The following NSMCE2 variants were observed in gnomAD, a reference collection of about 807,000 sequenced individuals.
NSMCE2 encodes the protein E3 SUMO-protein ligase NSE2.
NSMCE2 carries 24 observed loss-of-function variants against 23.8 expected under a neutral mutation model. That is an observed-to-expected ratio of 1.01 (90% CI 0.73 to 1.42). The LOEUF is 1.42. NSMCE2 is among the 40% of genes most tolerant of loss of function. The pLI is 0.00. For synonymous variants in NSMCE2, 92 were observed against 94.1 expected (o/e 0.98, Z 0.13); for missense variants, 284 against 296.5 (o/e 0.96, Z 0.31).
At chr8:125,148,922 T>G (rs1486576659) in intron 3 of NSMCE2, among the ~76,000 whole-genome samples, 1 of 152,220 alleles carries the variant, frequency 6.6e-6, no homozygotes, top group African/African-American at 2.4e-5. Flanking sequence ...GTAAGTTGTT[T>G]AAAATTCACT....
intron 5 of NSMCE2, among the ~76,000 whole-genome samples, chr8:125,257,549 T>C (rs1408634831): frequency 6.8e-4 from 69 of 101,728 alleles, no homozygotes; most frequent in African/African-American, 2.2e-3. Context: ...TTTTTTTTTT[T>C]CTGAGACGGA....
At position 125,099,153 on chromosome 8, in the gene NSMCE2, G is replaced by A. The variant is rs74833493; in HGVS notation, c.-110-2898G>A. On this transcript the variant is annotated intron_variant, in intron 1 of 7. Transcript: ENST00000287437. ...AGTCTGTAAGTTTAAGGAACTTACA[G>A]TGTAATTGGGGACTAGACACTATAA... Among the ~76,000 whole-genome samples the A allele has an allele frequency of 4.2e-3, 637 of 152,302 alleles. 3 individuals are homozygous for A. The highest frequency in any genetic ancestry group is 6.8e-3 in the Non-Finnish European group (464 of 68,042).
chr8:125,111,355 T>G (rs947798118), intron 3 of NSMCE2, among the ~76,000 whole-genome samples: 1 of 152,214 alleles, frequency 6.6e-6, no homozygotes, highest in Non-Finnish European at 1.5e-5. Context: ...GATTCTAGTT[T>G]TGTTCCTGAA....
intron 5 of NSMCE2, among the ~76,000 whole-genome samples, chr8:125,341,597 A>G (rs951600081): frequency 6.6e-6 from 1 of 151,870 alleles, no homozygotes; most frequent in African/African-American, 2.4e-5. Context: ...TCCTCTAATG[A>G]GGGCAAAACA....
chr8:125,358,973 A>G (rs548389163), intron 7 of NSMCE2, among the ~76,000 whole-genome samples: 1 of 152,206 alleles, frequency 6.6e-6, no homozygotes, highest in East Asian at 1.9e-4. Context: ...AACAGTTGAA[A>G]TGTCAGATTT....
At chr8:125,312,576 G>C (rs745414727) in intron 5 of NSMCE2, among the ~76,000 whole-genome samples, 1 of 152,222 alleles carries the variant, frequency 6.6e-6, no homozygotes, top group Non-Finnish European at 1.5e-5. Flanking sequence ...AGTGAGCCAA[G>C]ATCACGCCAC....
chr8:125,318,870 G>C (rs1829313658), intron 5 of NSMCE2, among the ~76,000 whole-genome samples: 1 of 152,184 alleles, frequency 6.6e-6, no homozygotes, highest in Non-Finnish European at 1.5e-5. Context: ...TCCCTGAATG[G>C]AGGAAATATA....
intron 5 of NSMCE2, among the ~76,000 whole-genome samples, chr8:125,339,509 C>G (rs1830165985): frequency 1.3e-5 from 2 of 152,104 alleles, no homozygotes; most frequent in South Asian, 4.1e-4. Context: ...TAATCATAAT[C>G]CTGGGAAAAT....
At chr8:125,153,382 C>T (rs1821146501) in intron 4 of NSMCE2, among the ~76,000 whole-genome samples, 1 of 152,102 alleles carries the variant, frequency 6.6e-6, no homozygotes, top group African/African-American at 2.4e-5. Context: ...GCTTTCTATG[C>T]AAGCTGGATA....
At chr8:125,221,113 G>A (rs539639596) in intron 5 of NSMCE2, among the ~76,000 whole-genome samples, 1 of 152,264 alleles carries the variant, frequency 6.6e-6, no homozygotes, top group South Asian at 2.1e-4. Flanking sequence ...ATATAAATGA[G>A]TTTTTCATAT....
At chr8:125,347,056 G>C (rs1395237730) in intron 5 of NSMCE2, among the ~76,000 whole-genome samples, 1 of 152,194 alleles carries the variant, frequency 6.6e-6, no homozygotes, top group Non-Finnish European at 1.5e-5. Flanking sequence ...TGTTGATAGT[G>C]CTGTGTCAGC....
At chr8:125,338,133 A>G (rs1586791039) in intron 5 of NSMCE2, among the ~76,000 whole-genome samples, 2 of 152,134 alleles carry the variant, frequency 1.3e-5, no homozygotes, top group African/African-American at 2.4e-5. Flanking sequence ...GGTGGTATAC[A>G]TGATGTGACC....
intron 5 of NSMCE2, among the ~76,000 whole-genome samples, chr8:125,213,536 T>TCCA (rs1824439885): frequency 3.0e-5 from 1 of 33,788 alleles, no homozygotes; most frequent in African/African-American, 1.7e-4. Flanking sequence ...TCTCCTCTCC[T>TCCA]CTCCCCTCCA....
intron 5 of NSMCE2, among the ~76,000 whole-genome samples, chr8:125,217,030 C>G (rs533989682): frequency 3.3e-4 from 51 of 152,264 alleles, no homozygotes; most frequent in African/African-American, 1.2e-3. Flanking sequence ...ATTTATTCCA[C>G]AAAGATTTAT....
In NSMCE2 at chr8:125,159,421, T is replaced by C. The variant is rs569462301; in HGVS notation, c.264+8144T>C. 3.3e-5 allele frequency among the ~76,000 whole-genome samples: 5 copies of C among 152,326 alleles called. No individual in the cohort carries two copies. The South Asian group carries it at 1.0e-3, about 32-fold the overall frequency. ...ATATGTTTAGATACATAAATAGTTG[T>C]CATGTTACAGTTGCCTACAGTATTC... On this transcript the variant is annotated intron_variant, in intron 4 of 7. Coordinates refer to ENST00000287437, the MANE Select transcript of NSMCE2 (RefSeq NM_173685.4).
chr8:125,342,962 T>G (rs1184847844), intron 5 of NSMCE2, among the ~76,000 whole-genome samples: 1 of 152,210 alleles, frequency 6.6e-6, no homozygotes, highest in Admixed American at 6.5e-5. Flanking sequence ...AATACCCTTT[T>G]GGGATTGTTC....
At chr8:125,321,236 G>C (rs1829443266) in intron 5 of NSMCE2, among the ~76,000 whole-genome samples, 1 of 152,270 alleles carries the variant, frequency 6.6e-6, no homozygotes, top group South Asian at 2.1e-4. Flanking sequence ...CATCATAAAT[G>C]GTAACTACAT....
chr8:125,166,242 G>A (rs897709651), intron 4 of NSMCE2, among the ~76,000 whole-genome samples: 3 of 152,086 alleles, frequency 2.0e-5, no homozygotes, highest in Non-Finnish European at 2.9e-5. Flanking sequence ...TTCAGTTACT[G>A]TAGTCATACT....
chr8:125,135,318 T>A (rs907202104), intron 3 of NSMCE2, among the ~76,000 whole-genome samples: 3 of 152,192 alleles, frequency 2.0e-5, no homozygotes, highest in African/African-American at 7.2e-5. Context: ...CTCAAGTAGC[T>A]GGAATTACAA....
Sources: gnomAD v4.1 joint callset for allele counts (sites outside exome capture counted in the v4.1 genomes callset) on GRCh38, gnomAD v4.1.1 for gene constraint, MANE v1.5 for transcripts, NCBI Gene and HGNC (gene_info 2026-07-23, HGNC 2026-07-21) for gene names.